The following MCPH1 variants were observed in gnomAD, a reference collection of about 807,000 sequenced individuals.
MCPH1 encodes microcephalin.
In MCPH1, 104 loss-of-function variants were observed where a neutral mutation model predicts 84.5. The observed-to-expected ratio is 1.23, with a 90% CI of 1.05 to 1.45. MCPH1 has a LOEUF of 1.45. MCPH1 is among the 40% of genes most tolerant of loss of function. The probability of loss-of-function intolerance (pLI) is 0.00; values close to 1 mark genes in which losing one functional copy is unlikely to be tolerated. For synonymous variants in MCPH1, 514 were observed against 366.8 expected (o/e 1.40, Z -4.58); for missense variants, 1,498 against 1,005.7 (o/e 1.49, Z -6.62).
chr8:6,525,962 G>T (rs1818247461), intron 12 of MCPH1, among the ~76,000 whole-genome samples: 1 of 152,062 alleles, frequency 6.6e-6, no homozygotes, highest in Non-Finnish European at 1.5e-5. Context: ...AACCCAAGTG[G>T]GGAAACAGTA....
chr8:6,530,491 G>T (rs1205308506), intron 12 of MCPH1, among the ~76,000 whole-genome samples: 2 of 132,548 alleles, frequency 1.5e-5, no homozygotes, highest in Non-Finnish European at 3.1e-5. Flanking sequence ...CCTGGGCAAT[G>T]CAGTGAGACT....
chr8:6,597,540 C>G (rs1201314049), intron 12 of MCPH1, among the ~76,000 whole-genome samples: 1 of 152,136 alleles, frequency 6.6e-6, no homozygotes, highest in African/African-American at 2.4e-5. Context: ...GAGCCCTCTC[C>G]CAGCCCAGAA....
At chr8:6,533,598 A>G (rs982448601) in intron 12 of MCPH1, among the ~76,000 whole-genome samples, 2 of 140,812 alleles carry the variant, frequency 1.4e-5, no homozygotes, top group African/African-American at 5.2e-5. Flanking sequence ...TTTTTAAATA[A>G]TCTAATGATG....
At chr8:6,606,336 C>T (rs1459548793) in intron 12 of MCPH1, among the ~76,000 whole-genome samples, 1 of 152,206 alleles carries the variant, frequency 6.6e-6, no homozygotes, top group African/African-American at 2.4e-5. Flanking sequence ...AAATCAAATA[C>T]AATTCATTCC....
At chr8:6,589,907 T>C (rs1828302405) in intron 12 of MCPH1, among the ~76,000 whole-genome samples, 1 of 152,148 alleles carries the variant, frequency 6.6e-6, no homozygotes, top group Non-Finnish European at 1.5e-5. Context: ...GAAATGAAAA[T>C]AATTCAATAG....
intron 2 of MCPH1, among the ~76,000 whole-genome samples, chr8:6,413,758 T>G (rs12546385): frequency 0.95 from 137,656 of 145,326 alleles, 65,193 homozygotes; most frequent in South Asian, 0.99. Context: ...AGTATCTTTT[T>G]TTTTTTTTTT....
At chr8:6,497,320 A>AG (rs1811348248) in intron 11 of MCPH1, among the ~76,000 whole-genome samples, 1 of 57,822 alleles carries the variant, frequency 1.7e-5, no homozygotes, top group Admixed American at 1.4e-4. Context: ...ATTCTCTACC[A>AG]AAAAAAAACA....
chr8:6,532,739 T>G (rs1420236796), intron 12 of MCPH1, among the ~76,000 whole-genome samples: 2 of 152,232 alleles, frequency 1.3e-5, no homozygotes, highest in African/African-American at 4.8e-5. Context: ...TACTGGTTGC[T>G]TCTGTGTTCT....
chr8:6,510,193 G>C (rs1383715356), intron 12 of MCPH1, among the ~76,000 whole-genome samples: 1 of 150,406 alleles, frequency 6.6e-6, no homozygotes, highest in Admixed American at 6.6e-5. Flanking sequence ...CTATGCTCAA[G>C]AGTTTCTGCT....
intron 12 of MCPH1, among the ~76,000 whole-genome samples, chr8:6,600,959 G>A (rs1829313336): frequency 6.6e-6 from 1 of 152,222 alleles, no homozygotes; most frequent in African/African-American, 2.4e-5. Flanking sequence ...AAACACAGCA[G>A]TGCAGAGGCA....
chr8:6,490,416 T>C (rs577696246), intron 11 of MCPH1, among the ~76,000 whole-genome samples: 5 of 152,314 alleles, frequency 3.3e-5, no homozygotes, highest in African/African-American at 1.2e-4. Flanking sequence ...AACAATCTGT[T>C]ATTTCAAGGC....
intron 11 of MCPH1, among the ~76,000 whole-genome samples, chr8:6,491,004 T>C (rs1237077381): frequency 6.7e-6 from 1 of 148,914 alleles, no homozygotes; most frequent in Non-Finnish European, 1.5e-5. Flanking sequence ...TATTAAATAC[T>C]TAATATTAAA....
rs1798095239 is a variant in MCPH1, at chr8:6,644,057, C to A, written c.*1008C>A. ...CTTGAGGTCAGGAGTTCGAGACCAG[C>A]CTGACCAACGCAGCAAAACCCATCT... On this transcript the variant is annotated 3_prime_UTR_variant, in exon 14 of 14. Coordinates refer to ENST00000344683, the MANE Select transcript of MCPH1 (RefSeq NM_024596.5). 6.6e-6 allele frequency: 1 copy of A among 152,246 alleles called. No homozygotes were observed. Among genetic ancestry groups the A allele is most frequent in the Non-Finnish European group, 1.5e-5 (1 of 68,106 alleles). The allele number at this position is 152,246 out of a possible 1,614,324, so 9.4% of individuals were successfully genotyped here. A position where few individuals can be genotyped will look rare whatever the true frequency, so the allele number is the denominator to read the frequency against.
chr8:6,537,698 A>T (rs1820763930), intron 12 of MCPH1, among the ~76,000 whole-genome samples: 1 of 152,142 alleles, frequency 6.6e-6, no homozygotes, highest in African/African-American at 2.4e-5. Flanking sequence ...TTGATTACAC[A>T]TTTAAAAGTT....
intron 12 of MCPH1, among the ~76,000 whole-genome samples, chr8:6,593,850 T>C (rs1405952795): frequency 6.6e-6 from 1 of 152,226 alleles, no homozygotes; most frequent in African/African-American, 2.4e-5. Context: ...ATTGAGATCA[T>C]TCCACAACAA....
chr8:6,415,923 T>C (rs2442541), intron 3 of MCPH1, among the ~76,000 whole-genome samples: 150,302 of 152,286 alleles, frequency 0.99, 74,193 homozygotes, highest in East Asian at 1. Flanking sequence ...ATTTAATCTT[T>C]CAGTCCATGA....
At chr8:6,466,405 T>A (rs1806953415) in intron 9 of MCPH1, among the ~76,000 whole-genome samples, 1 of 151,816 alleles carries the variant, frequency 6.6e-6, no homozygotes, top group Non-Finnish European at 1.5e-5. Context: ...CCTCCTGGGT[T>A]CAAGTGATTC....
At chr8:6,501,545 T>A (rs1018333949) in intron 12 of MCPH1, 3 of 151,244 alleles carry the variant, frequency 2.0e-5, no homozygotes, top group African/African-American at 7.3e-5. Context: ...TCAAATTTTC[T>A]TTTCTTTCTT....
At chr8:6,431,471 A>G in intron 3 of MCPH1, 28 bp from the exon 4 acceptor site, 2 of 1,567,128 alleles carry the variant, frequency 1.3e-6, no homozygotes, top group East Asian at 2.2e-5. Flanking sequence ...GCAAATACTC[A>G]TTAGACTACC....
Sources: gnomAD v4.1 joint callset for allele counts (sites outside exome capture counted in the v4.1 genomes callset) on GRCh38, gnomAD v4.1.1 for gene constraint, MANE v1.5 for transcripts, NCBI Gene and HGNC (gene_info 2026-07-23, HGNC 2026-07-21) for gene names.